CNTNAP2: variants seen among roughly 807,000 people sequenced by gnomAD.
The protein encoded by CNTNAP2 is contactin-associated protein-like 2.
CNTNAP2 carries 98 observed loss-of-function variants against 155.2 expected under a neutral mutation model. That is an observed-to-expected ratio of 0.63 (90% CI 0.54 to 0.75). The LOEUF (loss-of-function observed/expected upper bound fraction) is 0.75. Ranked by LOEUF, CNTNAP2 falls within the 30% of genes least tolerant of loss-of-function variation. The probability of loss-of-function intolerance (pLI) is 0.00; values close to 1 mark genes in which losing one functional copy is unlikely to be tolerated. For synonymous variants in CNTNAP2, 651 were observed against 631.2 expected, an observed-to-expected ratio of 1.03 and a Z score of -0.47; for missense variants, 1,727 against 1,688.1, an observed-to-expected ratio of 1.02 and a Z score of -0.40.
In CNTNAP2 at chr7:147,132,637, C is replaced by T. The variant is rs563121849; in HGVS notation, c.1348+128C>T. ...GGTTTTAATTCAGATCTTCAAGACGCTTACTTGGTTGTAGTGTGTGCTGAT... is the reference window on the plus strand; with the variant it reads ...GGTTTTAATTCAGATCTTCAAGACGTTTACTTGGTTGTAGTGTGTGCTGAT... On this transcript the variant is annotated intron_variant, in intron 8 of 23. Transcript: ENST00000361727. 3.9e-6 allele frequency: 5 copies of T among 1,270,916 alleles called. No homozygotes were observed. In the African/African-American group the frequency reaches 5.9e-5, roughly 15 times the overall value. 78.7% of individuals were successfully genotyped at this position (1,270,916 alleles called of 1,614,324 possible).
At chr7:148,283,776 A>G (rs1037172330) in intron 21 of CNTNAP2, among the ~76,000 whole-genome samples, 1 of 152,210 alleles carries the variant, frequency 6.6e-6, no homozygotes, top group Non-Finnish European at 1.5e-5. Context: ...GAGAAAATAC[A>G]TCTGTTAGAT....
intron 1 of CNTNAP2, among the ~76,000 whole-genome samples, chr7:146,128,397 C>T (rs1797668219): frequency 6.6e-6 from 1 of 152,264 alleles, no homozygotes; most frequent in South Asian, 2.1e-4. Flanking sequence ...CAAGTCCTTC[C>T]TTGCATTGAT....
chr7:147,572,186 C>T (rs879099720), intron 12 of CNTNAP2, among the ~76,000 whole-genome samples: 12 of 120,730 alleles, frequency 9.9e-5, no homozygotes, highest in Admixed American at 2.4e-4. Flanking sequence ...TGGATTCAGC[C>T]TCATTCCAGA....
chr7:147,462,254 G>A (rs920698206), intron 10 of CNTNAP2, among the ~76,000 whole-genome samples: 3 of 152,128 alleles, frequency 2.0e-5, no homozygotes, highest in African/African-American at 7.2e-5. Flanking sequence ...ATGCGTCTAC[G>A]AAAACACTTC....
At chr7:147,805,910 T>C (rs1798082664) in intron 13 of CNTNAP2, among the ~76,000 whole-genome samples, 1 of 152,084 alleles carries the variant, frequency 6.6e-6, no homozygotes, top group African/African-American at 2.4e-5. Flanking sequence ...AAAGAAAACA[T>C]TGGGGGAAAT....
intron 10 of CNTNAP2, among the ~76,000 whole-genome samples, chr7:147,461,562 G>T (rs986680841): frequency 6.6e-6 from 1 of 151,736 alleles, no homozygotes; most frequent in African/African-American, 2.4e-5. Context: ...GATTTTCATT[G>T]TTATTACTTT....
chr7:146,836,055 G>GA (rs1438545311), intron 2 of CNTNAP2, among the ~76,000 whole-genome samples: 3 of 152,172 alleles, frequency 2.0e-5, no homozygotes, highest in African/African-American at 7.2e-5. Context: ...CTGTATCATA[G>GA]AAAAAATATT....
intron 3 of CNTNAP2, among the ~76,000 whole-genome samples, chr7:147,001,905 T>G (rs1197423113): frequency 6.6e-6 from 1 of 151,980 alleles, no homozygotes; most frequent in African/African-American, 2.4e-5. Flanking sequence ...AAATAATTTA[T>G]TTAAAAATGC....
rs778124698 is a variant in CNTNAP2, at chr7:147,977,946, A to G, written c.2340A>G (p.Ser780=). 22 of 1,614,038 alleles carry G rather than the reference A, an allele frequency of 1.4e-5. No homozygotes were observed. The East Asian group carries it at 4.2e-4, about 31-fold the overall frequency. Residue 780 remains serine, a synonymous_variant, in exon 15 of 24, where the codon TCA becomes TCG. Transcript: ENST00000361727. ...VVVGDTDRQG[S]EAKLSVGPLR... is the part of the protein sequence containing the mutation. ...TTGGAGATACTGACCGTCAAGGCTC[A>G]GAAGCCAAATTGAGCGTAGGTCCTC...
At chr7:148,157,331 G>T (rs1423406423) in intron 17 of CNTNAP2, among the ~76,000 whole-genome samples, 1 of 152,090 alleles carries the variant, frequency 6.6e-6, no homozygotes, top group Non-Finnish European at 1.5e-5. Context: ...ACTGGTCAAT[G>T]GTTACCCAAT....
intron 1 of CNTNAP2, among the ~76,000 whole-genome samples, chr7:146,747,294 A>G (rs1220338997): frequency 1.3e-5 from 2 of 152,172 alleles, no homozygotes; most frequent in African/African-American, 4.8e-5. Flanking sequence ...TTTCAGAGAA[A>G]AAATAAAAAA....
intron 3 of CNTNAP2, among the ~76,000 whole-genome samples, chr7:147,021,190 AT>A (rs1005926651): frequency 2.8e-4 from 43 of 151,864 alleles, no homozygotes; most frequent in Middle Eastern, 3.4e-3. Context: ...AAACCTTATG[AT>A]TTTTTTTGGC....
At chr7:146,711,809 T>C (rs1433524408) in intron 1 of CNTNAP2, among the ~76,000 whole-genome samples, 1 of 117,502 alleles carries the variant, frequency 8.5e-6, no homozygotes, top group Admixed American at 8.2e-5. Context: ...TATACACATC[T>C]TATGTATACA....
At chr7:147,995,275 A>T (rs563048834) in intron 15 of CNTNAP2, among the ~76,000 whole-genome samples, 10 of 152,290 alleles carry the variant, frequency 6.6e-5, no homozygotes, top group South Asian at 4.1e-4. Context: ...CATTCTTATT[A>T]ATCAGTTAAC....
chr7:147,239,207 C>T (rs1024013596), intron 8 of CNTNAP2, among the ~76,000 whole-genome samples: 1 of 151,834 alleles, frequency 6.6e-6, no homozygotes, highest in Non-Finnish European at 1.5e-5. Flanking sequence ...TTTGAGTTTA[C>T]ATCTCAAAAC....
At chr7:146,856,293 GATAGATACATACATAC>G (rs1233260890) in intron 3 of CNTNAP2, among the ~76,000 whole-genome samples, 27 of 63,070 alleles carry the variant, frequency 4.3e-4, no homozygotes, top group Middle Eastern at 7.7e-3. Context: ...TAGATAGATA[GATAGATACATACATAC>G]ATACATACAT....
intron 1 of CNTNAP2, among the ~76,000 whole-genome samples, chr7:146,238,738 C>A (rs1257252741): frequency 6.6e-6 from 1 of 152,064 alleles, no homozygotes; most frequent in Non-Finnish European, 1.5e-5. Context: ...GCAAAACTGA[C>A]TCACAGTTGA....
chr7:147,705,818 C>T (rs1796305323), intron 13 of CNTNAP2, among the ~76,000 whole-genome samples: 1 of 152,064 alleles, frequency 6.6e-6, no homozygotes, highest in African/African-American at 2.4e-5. Context: ...TTTCTTGCTT[C>T]TGTTTACTGT....
At chr7:146,174,234 A>T (rs1301123363) in intron 1 of CNTNAP2, among the ~76,000 whole-genome samples, 1 of 151,932 alleles carries the variant, frequency 6.6e-6, no homozygotes, top group African/African-American at 2.4e-5. Context: ...AAAGAAAAAA[A>T]ACCCAACATA....
Sources: gnomAD v4.1 joint callset for allele counts (sites outside exome capture counted in the v4.1 genomes callset) on GRCh38, gnomAD v4.1.1 for gene constraint, MANE v1.5 for transcripts, NCBI Gene and HGNC (gene_info 2026-07-23, HGNC 2026-07-21) for gene names.